SRGAP1: variants seen among roughly 807,000 people sequenced by gnomAD.
SRGAP1 encodes SLIT-ROBO Rho GTPase activating protein 1.
A neutral mutation model predicts 121.9 loss-of-function variants in SRGAP1; 43 were observed. The ratio of observed to expected loss-of-function variants is 0.35; its 90% CI spans 0.28 to 0.46. SRGAP1 has a LOEUF of 0.46. SRGAP1 is among the 20% of genes least tolerant of loss of function. The pLI is 1.00. For synonymous variants in SRGAP1, 447 were observed against 485.4 expected (o/e 0.92, Z 1.04); for missense variants, 1,102 against 1,350.9 (o/e 0.82, Z 2.89).
chr12:63,900,642 G>T (rs1343699108), intron 1 of SRGAP1, among the ~76,000 whole-genome samples: 1 of 151,896 alleles, frequency 6.6e-6, no homozygotes, highest in Non-Finnish European at 1.5e-5. Flanking sequence ...GCAAAATGCT[G>T]TCTCTACTAA....
intron 17 of SRGAP1, among the ~76,000 whole-genome samples, chr12:64,112,514 A>C (rs1423757627): frequency 6.6e-6 from 1 of 152,186 alleles, no homozygotes; most frequent in Non-Finnish European, 1.5e-5. Flanking sequence ...TTTGGGGATA[A>C]AATTTTTAGC....
chr12:64,064,414 A>G (rs2136538795), intron 7 of SRGAP1, among the ~76,000 whole-genome samples: 1 of 152,260 alleles, frequency 6.6e-6, no homozygotes, highest in Non-Finnish European at 1.5e-5. Context: ...TTCTATCAAA[A>G]CCTAAGATAA....
rs188139842 is a variant in SRGAP1, at chr12:64,138,610, G to C, written c.2881-3685G>C. 4.2e-3 allele frequency among the ~76,000 whole-genome samples: 631 copies of C among 151,164 alleles called. 12 individuals carry two copies. Among genetic ancestry groups the C allele is most frequent in the Admixed American group, 9.3e-3 (142 of 15,222 alleles). On this transcript the variant is annotated intron_variant, in intron 21 of 21. Coordinates refer to ENST00000355086, the MANE Select transcript of SRGAP1 (RefSeq NM_020762.4). ...AGAGTAGCTGGGCGTGTGCCACCAC[G>C]CCTGGCTATCTGAAATAAATTGATT...
intron 6 of SRGAP1, among the ~76,000 whole-genome samples, chr12:64,050,150 A>G (rs1274843842): frequency 6.6e-6 from 1 of 152,126 alleles, no homozygotes; most frequent in African/African-American, 2.4e-5. Flanking sequence ...ATTTGTAGCT[A>G]TTATAAATGG....
intron 1 of SRGAP1, among the ~76,000 whole-genome samples, chr12:63,866,655 T>A (rs1178766018): frequency 6.6e-6 from 1 of 152,034 alleles, no homozygotes; most frequent in African/African-American, 2.4e-5. Flanking sequence ...TTATTTATAT[T>A]TATAATAGTT....
intron 1 of SRGAP1, among the ~76,000 whole-genome samples, chr12:63,957,303 G>C (rs2032502090): frequency 6.6e-6 from 1 of 152,220 alleles, no homozygotes; most frequent in African/African-American, 2.4e-5. Flanking sequence ...GCGCCAGTGA[G>C]CTTCCTGGGC....
rs376912099 is a variant in SRGAP1 at position 64,079,096 on chromosome 12, A to G, written c.1303A>G (p.Thr435Ala). ...CAAGAGAAGAGCCAACCAGCAGGAA[A>G]CTGAACAGTTCTACTTCATGGTGTG... The part of the protein sequence containing the change: ...IAKRRANQQE[T>A]EQFYFMKLRE... Residue 435 changes from threonine (T) to alanine (A), a missense_variant, in exon 9 of 22, where the codon ACT becomes GCT. Physicochemically the swap from Thr to Ala is moderately conservative, Grantham distance 58. Transcript: ENST00000355086. 1 of 1,613,526 alleles carries G rather than the reference A, an allele frequency of 6.2e-7. No individual in the cohort carries two copies. Among genetic ancestry groups the G allele is most frequent in the African/African-American group, 1.3e-5 (1 of 74,872 alleles).
chr12:63,919,791 G>A (rs1477592463), intron 1 of SRGAP1, among the ~76,000 whole-genome samples: 3 of 151,972 alleles, frequency 2.0e-5, no homozygotes, highest in African/African-American at 7.3e-5. Context: ...GTTTTGATTT[G>A]TAAAAATAGT....
At chr12:64,089,513 A>G (rs1048690455) in intron 11 of SRGAP1, among the ~76,000 whole-genome samples, 12 of 152,282 alleles carry the variant, frequency 7.9e-5, no homozygotes, top group Admixed American at 3.3e-4. Flanking sequence ...TGAAATCCAC[A>G]CTTTAAAACA....
At chr12:63,872,703 T>A (rs1899895309) in intron 1 of SRGAP1, among the ~76,000 whole-genome samples, 1 of 152,234 alleles carries the variant, frequency 6.6e-6, no homozygotes, top group South Asian at 2.1e-4. Flanking sequence ...GATTTGTTTT[T>A]TTATTGGGCC....
intron 7 of SRGAP1, among the ~76,000 whole-genome samples, chr12:64,064,147 C>G (rs1352075209): frequency 6.6e-6 from 1 of 151,998 alleles, no homozygotes; most frequent in East Asian, 1.9e-4. Context: ...TAACATATCA[C>G]AGACAAATGA....
intron 1 of SRGAP1, among the ~76,000 whole-genome samples, chr12:63,861,857 C>T (rs1592891851): frequency 6.6e-6 from 1 of 152,220 alleles, no homozygotes; most frequent in East Asian, 1.9e-4. Flanking sequence ...CGCAGTGGCT[C>T]ACGCCTGTAA....
intron 1 of SRGAP1, among the ~76,000 whole-genome samples, chr12:63,967,276 A>G (rs572421933): frequency 1.3e-5 from 2 of 150,590 alleles, no homozygotes; most frequent in East Asian, 3.9e-4. Flanking sequence ...CCTCATTTCC[A>G]CTAAAAATAA....
chr12:63,943,675 A>T (rs909742070), intron 1 of SRGAP1, among the ~76,000 whole-genome samples: 1 of 152,116 alleles, frequency 6.6e-6, no homozygotes, highest in Non-Finnish European at 1.5e-5. Flanking sequence ...GAGGTGGGCA[A>T]AGGTGATTGG....
intron 6 of SRGAP1, among the ~76,000 whole-genome samples, chr12:64,047,940 G>A (rs951125851): frequency 7.2e-5 from 11 of 151,966 alleles, no homozygotes; most frequent in Non-Finnish European, 1.2e-4. Context: ...GGGTAAATGC[G>A]GTATTCATCA....
intron 1 of SRGAP1, among the ~76,000 whole-genome samples, chr12:63,956,821 G>A (rs2032488886): frequency 6.9e-6 from 1 of 145,126 alleles, no homozygotes; most frequent in Admixed American, 7.2e-5. Flanking sequence ...ATTCAGAGCT[G>A]TGCAACAATC....
intron 3 of SRGAP1, among the ~76,000 whole-genome samples, chr12:63,994,158 C>G (rs1159645454): frequency 6.6e-6 from 1 of 152,130 alleles, no homozygotes; most frequent in South Asian, 2.1e-4. Context: ...TATGGAAAAC[C>G]ACTTAGCCTA....
In SRGAP1 at chr12:64,043,591, T is replaced by C. The variant is rs1343218846; in HGVS notation, c.801+16T>C. 6.4e-7 allele frequency: 1 copy of C among 1,571,636 alleles called. No individual in the cohort carries two copies. The highest frequency in any genetic ancestry group is 8.6e-7 in the Non-Finnish European group (1 of 1,160,446). On this transcript the variant is annotated intron_variant, in intron 6 of 21. Coordinates refer to ENST00000355086, the MANE Select transcript of SRGAP1 (RefSeq NM_020762.4). ...TTTAATTGATGTGAGTACTTGAAGT[T>C]TTTGTCTTTTCCATATTAAAATGAA...
At chr12:63,934,652 C>T (rs1415251614) in intron 1 of SRGAP1, among the ~76,000 whole-genome samples, 1 of 151,304 alleles carries the variant, frequency 6.6e-6, no homozygotes, top group Non-Finnish European at 1.5e-5. Flanking sequence ...ACAACCACCA[C>T]CCCCCCCAAC....
Sources: gnomAD v4.1 joint callset for allele counts (sites outside exome capture counted in the v4.1 genomes callset) on GRCh38, gnomAD v4.1.1 for gene constraint, MANE v1.5 for transcripts, NCBI Gene and HGNC (gene_info 2026-07-23, HGNC 2026-07-21) for gene names.